The following SHROOM3 variants were observed in gnomAD, a reference collection of about 807,000 sequenced individuals.
The protein encoded by SHROOM3 is protein Shroom3.
SHROOM3 carries 47 observed loss-of-function variants against 138.6 expected under a neutral mutation model. That is an observed-to-expected ratio of 0.34 (90% CI 0.27 to 0.43). The LOEUF (loss-of-function observed/expected upper bound fraction) is 0.43, where lower values mean the gene tolerates loss of function less well. Ranked by LOEUF, SHROOM3 falls within the 20% of genes least tolerant of loss-of-function variation. SHROOM3 has a pLI of 1.00. For synonymous variants in SHROOM3, 1,062 were observed against 1,063.3 expected (o/e 1.00, Z 0.02); for missense variants, 2,491 against 2,596.5 (o/e 0.96, Z 0.88).
At chr4:76,698,841 A>G (rs942297310) in intron 2 of SHROOM3, among the ~76,000 whole-genome samples, 1 of 152,134 alleles carries the variant, frequency 6.6e-6, no homozygotes, top group Admixed American at 6.6e-5. Context: ...CTCTATATCT[A>G]TTCCCAAGGA....
At chr4:76,442,550 T>C (rs1439078550) in intron 1 of SHROOM3, among the ~76,000 whole-genome samples, 1 of 151,808 alleles carries the variant, frequency 6.6e-6, no homozygotes, top group Non-Finnish European at 1.5e-5. Context: ...GCAGGGACTA[T>C]AGGCGTCCGC....
intron 1 of SHROOM3, among the ~76,000 whole-genome samples, chr4:76,462,903 T>G (rs1168778132): frequency 6.6e-6 from 1 of 152,156 alleles, no homozygotes; most frequent in Non-Finnish European, 1.5e-5. Flanking sequence ...CCTCTTCTTT[T>G]CATAAACTAC....
intron 4 of SHROOM3, among the ~76,000 whole-genome samples, chr4:76,737,937 T>A (rs344139): frequency 6.6e-6 from 1 of 151,610 alleles, no homozygotes. Flanking sequence ...TGATTGATAG[T>A]CTTTTTCCTC....
intron 2 of SHROOM3, among the ~76,000 whole-genome samples, chr4:76,638,507 C>T (rs1735568079): frequency 6.6e-6 from 1 of 152,178 alleles, no homozygotes; most frequent in African/African-American, 2.4e-5. Context: ...TATGATCACA[C>T]TGCTGCATTA....
chr4:76,516,015 A>T (rs1355458860), intron 1 of SHROOM3, among the ~76,000 whole-genome samples: 1 of 152,232 alleles, frequency 6.6e-6, no homozygotes, highest in Non-Finnish European at 1.5e-5. Flanking sequence ...ATAACCAGAA[A>T]TGATACTTCA....
intron 1 of SHROOM3, among the ~76,000 whole-genome samples, chr4:76,505,252 A>G (rs1732186193): frequency 6.6e-6 from 1 of 152,224 alleles, no homozygotes; most frequent in South Asian, 2.1e-4. Flanking sequence ...AATGGCAGTA[A>G]CAATAGTACC....
chr4:76,521,082 T>A (rs894918353), intron 1 of SHROOM3, among the ~76,000 whole-genome samples: 17 of 152,230 alleles, frequency 1.1e-4, no homozygotes, highest in African/African-American at 4.1e-4. Context: ...CCTTCATTAC[T>A]ATTTGGTTCT....
intron 2 of SHROOM3, among the ~76,000 whole-genome samples, chr4:76,706,824 A>G (rs1338059028): frequency 6.6e-6 from 1 of 152,216 alleles, no homozygotes; most frequent in Non-Finnish European, 1.5e-5. Context: ...TGTGAATTGC[A>G]CTTTGAGGTG....
chr4:76,453,040 A>C (rs1057184030), intron 1 of SHROOM3, among the ~76,000 whole-genome samples: 2 of 152,042 alleles, frequency 1.3e-5, no homozygotes, highest in Non-Finnish European at 2.9e-5. Context: ...TTTAATAAGA[A>C]CTTGTGTGTA....
chr4:76,465,978 A>G (rs1471521024), intron 1 of SHROOM3, among the ~76,000 whole-genome samples: 3 of 152,256 alleles, frequency 2.0e-5, no homozygotes, highest in Non-Finnish European at 4.4e-5. Flanking sequence ...AATCCAGGGA[A>G]GACATTAAAT....
chr4:76,729,647 G>T (rs773446354), intron 3 of SHROOM3, among the ~76,000 whole-genome samples: 2 of 152,160 alleles, frequency 1.3e-5, no homozygotes, highest in African/African-American at 2.4e-5. Flanking sequence ...ATGAGCAAAG[G>T]CTTAGCTAAG....
rs1730543273 is a variant in SHROOM3, at chr4:76,435,439, G to A, written c.-614G>A. The A allele has an allele frequency of 6.6e-6, 1 of 152,138 alleles. No individual in the cohort carries two copies. The highest frequency in any genetic ancestry group is 2.4e-5 in the African/African-American group (1 of 41,440). 9.4% of individuals were successfully genotyped at this position (152,138 alleles called of 1,614,324 possible). On this transcript the variant is annotated 5_prime_UTR_variant, in exon 1 of 11. Coordinates refer to ENST00000296043, the MANE Select transcript of SHROOM3 (RefSeq NM_020859.4). ...ATGAACTGATTGTTGAAAAAAAGAA[G>A]TAAAAAGTTTTAGCACAGCTTCTCT...
intron 1 of SHROOM3, among the ~76,000 whole-genome samples, chr4:76,470,391 C>T (rs1731345325): frequency 6.6e-6 from 1 of 152,172 alleles, no homozygotes; most frequent in African/African-American, 2.4e-5. Flanking sequence ...AAGCAAGCTA[C>T]TGTCAAAACT....
At position 76,741,139 on chromosome 4, in the gene SHROOM3, C is replaced by G; in HGVS notation, c.2966C>G (p.Thr989Ser). The change falls in exon 5 of 11, where the codon ACC becomes AGC. Residue 989 changes from threonine (T) to serine (S), a missense_variant. Thr to Ser is a moderately conservative substitution (Grantham distance 58). Transcript: ENST00000296043. The surrounding 1 kb of genome is among the most constrained non-coding windows in gnomAD (Gnocchi z 6.2). The stretch of plus-strand genomic sequence containing the variant: ...ACGCCCCGGGAGCGGCACAGCGTGA[C>G]CCCTGCTGAGGGCGACCTGGCCAGG... ...PHTPRERHSV[T>S]PAEGDLARPV... is the part of the protein sequence containing the mutation. The G allele has an allele frequency of 6.4e-7, 1 of 1,561,254 alleles. No homozygotes were observed. The highest frequency in any genetic ancestry group is 2.4e-5 in the East Asian group (1 of 41,612).
intron 2 of SHROOM3, among the ~76,000 whole-genome samples, chr4:76,635,159 C>G (rs1202790133): frequency 6.6e-6 from 1 of 152,122 alleles, no homozygotes; most frequent in Non-Finnish European, 1.5e-5. Context: ...TAGATATGTT[C>G]AAAGAGGCCA....
At chr4:76,701,893 A>G (rs1004505608) in intron 2 of SHROOM3, among the ~76,000 whole-genome samples, 14 of 152,136 alleles carry the variant, frequency 9.2e-5, no homozygotes, top group African/African-American at 3.4e-4. Flanking sequence ...AAATGTAGAA[A>G]ATTTAGACCC....
intron 1 of SHROOM3, among the ~76,000 whole-genome samples, chr4:76,552,011 G>A (rs55901267): frequency 0.24 from 34,654 of 141,608 alleles, 5,702 homozygotes; most frequent in African/African-American, 0.46. Flanking sequence ...ACAGGCGCCC[G>A]CCATCACGCC....
intron 1 of SHROOM3, among the ~76,000 whole-genome samples, chr4:76,458,778 T>G (rs1320536933): frequency 6.6e-6 from 1 of 152,230 alleles, no homozygotes; most frequent in Non-Finnish European, 1.5e-5. Context: ...GAAGCATTTT[T>G]ACCAGGCAGA....
chr4:76,696,618 A>G (rs937631684), intron 2 of SHROOM3, among the ~76,000 whole-genome samples: 10 of 152,148 alleles, frequency 6.6e-5, no homozygotes, highest in African/African-American at 2.4e-4. Context: ...TGACCTGCCA[A>G]ACTCCTCCCT....
Sources: gnomAD v4.1 joint callset for allele counts (sites outside exome capture counted in the v4.1 genomes callset) on GRCh38, gnomAD v4.1.1 for gene constraint, Gnocchi (gnomAD v3.1) non-coding constraint, MANE v1.5 for transcripts, NCBI Gene and HGNC (gene_info 2026-07-23, HGNC 2026-07-21) for gene names.